Variants in GABRG3 observed in about 807,000 individuals in gnomAD.
GABRG3 encodes gamma-aminobutyric acid receptor subunit gamma-3.
Under a neutral mutation model 48.8 loss-of-function variants are expected in GABRG3, and 25 were observed. The observed-to-expected ratio is 0.51, with a 90% CI of 0.37 to 0.72. The LOEUF is 0.72. Ranked by LOEUF, GABRG3 falls within the 30% of genes least tolerant of loss-of-function variation. GABRG3 has a pLI of 0.00. For missense variants in GABRG3, 394 were observed against 577.9 expected, an observed-to-expected ratio of 0.68 and a Z score of 3.26; for synonymous variants, 227 against 217.6, an observed-to-expected ratio of 1.04 and a Z score of -0.38.
chr15:27,179,262 C>A lies in GABRG3; in HGVS notation c.271-147547C>A, dbSNP rs187297399. Among the ~76,000 whole-genome samples the A allele has an allele frequency of 1.7e-3, 266 of 152,266 alleles. 1 individual carries two copies. Among genetic ancestry groups the A allele is most frequent in the African/African-American group, 6.4e-3 (264 of 41,548 alleles). The stretch of plus-strand genomic sequence containing the variant: ...GTGATTTGCCATTTCAAACATGCCC[C>A]GCGTGGCAATCCACCTTCCCCTCAG... On this transcript the variant is annotated intron_variant, in intron 3 of 9. Coordinates refer to ENST00000615808, the MANE Select transcript of GABRG3 (RefSeq NM_033223.5). This position sits in a 1 kb window ranked among gnomAD's most constrained non-coding sequence, Gnocchi z 4.0.
At chr15:27,235,005 T>C (rs1184128773) in intron 3 of GABRG3, among the ~76,000 whole-genome samples, 1 of 152,134 alleles carries the variant, frequency 6.6e-6, no homozygotes, top group Admixed American at 6.5e-5. Flanking sequence ...TTCTGGCCTG[T>C]TGGCTGAGGG....
At chr15:27,192,089 A>G (rs1566960172) in intron 3 of GABRG3, among the ~76,000 whole-genome samples, 2 of 152,144 alleles carry the variant, frequency 1.3e-5, no homozygotes, top group Non-Finnish European at 2.9e-5. Context: ...TTCTGCCGAG[A>G]GATCCGCTTT....
chr15:27,185,948 T>G (rs1236674154), intron 3 of GABRG3, among the ~76,000 whole-genome samples: 2 of 152,102 alleles, frequency 1.3e-5, no homozygotes, highest in Admixed American at 6.5e-5. Context: ...TGATGTGAAT[T>G]TCTTATAAAC....
At chr15:27,263,655 G>T (rs920957118) in intron 3 of GABRG3, among the ~76,000 whole-genome samples, 2 of 152,094 alleles carry the variant, frequency 1.3e-5, no homozygotes, top group Admixed American at 6.5e-5. Flanking sequence ...CAAAGTTAAT[G>T]GTATTCAGTT....
intron 5 of GABRG3, among the ~76,000 whole-genome samples, chr15:27,437,708 G>A (rs1192549534): frequency 6.6e-6 from 1 of 152,214 alleles, no homozygotes; most frequent in South Asian, 2.1e-4. Context: ...ATCCATTCGT[G>A]TTGCTGTAAG....
Position 27,227,718 on chromosome 15 carries a change from T to A in GABRG3, c.271-99091T>A, listed in dbSNP as rs115394769. Among the ~76,000 whole-genome samples the A allele has an allele frequency of 2.5e-3, 379 of 152,126 alleles. 1 individual carries two copies. The highest frequency in any genetic ancestry group is 8.5e-3 in the African/African-American group (353 of 41,550). ...AAAAAGAAAACAACCATGGCAATTT[T>A]TTTTTATCTACAAAATTTAATTACT... On this transcript the variant is annotated intron_variant, in intron 3 of 9. Transcript: ENST00000615808.
intron 5 of GABRG3, among the ~76,000 whole-genome samples, chr15:27,361,734 T>C (rs559893113): frequency 2.3e-4 from 35 of 152,322 alleles, no homozygotes; most frequent in Admixed American, 2.2e-3. Context: ...TCTGTTCTTA[T>C]AGAAATGTCA....
At position 27,303,754 on chromosome 15, in the gene GABRG3, A is replaced by C. The variant is rs191100834; in HGVS notation, c.271-23055A>C. Among the ~76,000 whole-genome samples, 3 of 149,722 alleles carry C rather than the reference A, an allele frequency of 2.0e-5. No individual in the cohort carries two copies. In the South Asian group the frequency reaches 6.3e-4, roughly 31 times the overall value. On this transcript the variant is annotated intron_variant, in intron 3 of 9. Transcript: ENST00000615808. The stretch of plus-strand genomic sequence containing the variant: ...CCACTATATATATATCCGTGTGTGT[A>C]TATATATATATACACACACATCTAT...
At chr15:27,462,664 T>C (rs1261259073) in intron 5 of GABRG3, among the ~76,000 whole-genome samples, 3 of 152,104 alleles carry the variant, frequency 2.0e-5, no homozygotes, top group Non-Finnish European at 4.4e-5. Flanking sequence ...ATATAGAGGG[T>C]TTTTAAATAA....
intron 3 of GABRG3, among the ~76,000 whole-genome samples, chr15:27,100,706 AG>A (rs1897340652): frequency 6.6e-6 from 1 of 152,210 alleles, no homozygotes; most frequent in Non-Finnish European, 1.5e-5. Context: ...ACCATATTAC[AG>A]GCAAAAGAAA....
At chr15:27,238,743 C>T (rs746006909) in intron 3 of GABRG3, among the ~76,000 whole-genome samples, 17 of 152,144 alleles carry the variant, frequency 1.1e-4, no homozygotes, top group Non-Finnish European at 2.4e-4. Flanking sequence ...TTTTCAGTCA[C>T]TTAAGAGTTT....
chr15:27,011,950 C>T (rs1452557016), intron 2 of GABRG3, among the ~76,000 whole-genome samples: 2 of 151,936 alleles, frequency 1.3e-5, no homozygotes, highest in Non-Finnish European at 2.9e-5. Flanking sequence ...AGACTCTTAA[C>T]ACATTTTCAT....
intron 3 of GABRG3, among the ~76,000 whole-genome samples, chr15:27,301,603 CAT>C (rs967553933): frequency 3.3e-5 from 5 of 151,982 alleles, no homozygotes; most frequent in African/African-American, 9.6e-5. Context: ...CTTAATGTTA[CAT>C]ATATATGTGT....
intron 3 of GABRG3, among the ~76,000 whole-genome samples, chr15:27,145,137 T>C (rs1898174764): frequency 1.1e-5 from 1 of 91,264 alleles, no homozygotes; most frequent in Non-Finnish European, 2.1e-5. Context: ...GAATGAACCA[T>C]ATACAGGGAA....
chr15:27,246,323 A>G (rs1200104363), intron 3 of GABRG3, among the ~76,000 whole-genome samples: 1 of 152,180 alleles, frequency 6.6e-6, no homozygotes, highest in Non-Finnish European at 1.5e-5. Context: ...TATTCTTTAC[A>G]TGGAGGAAAC....
At chr15:27,424,947 T>C (rs904970378) in intron 5 of GABRG3, among the ~76,000 whole-genome samples, 1 of 152,154 alleles carries the variant, frequency 6.6e-6, no homozygotes, top group African/African-American at 2.4e-5. Context: ...CCTAGGGCCA[T>C]GCGATATCAG....
At position 27,038,600 on chromosome 15, in the gene GABRG3, G is replaced by T. The variant is rs376135480; in HGVS notation, c.270+11779G>T. On this transcript the variant is annotated intron_variant, in intron 3 of 9. Transcript: ENST00000615808. ...TAGGGTTGGCAGAGCCTGAAAAGCT[G>T]GGAAAGTGGCACAGACTGTGTCGAT... Among the ~76,000 whole-genome samples, 5 of 152,186 alleles carry T rather than the reference G, an allele frequency of 3.3e-5. No individual in the cohort carries two copies. In the East Asian group the frequency reaches 7.7e-4, roughly 24 times the overall value.
chr15:27,408,311 C>G (rs935506878), intron 5 of GABRG3, among the ~76,000 whole-genome samples: 2 of 152,100 alleles, frequency 1.3e-5, no homozygotes, highest in African/African-American at 2.4e-5. Context: ...TAAGAGCCCC[C>G]AGATGTATTG....
At chr15:27,377,192 C>T (rs1895624422) in intron 5 of GABRG3, among the ~76,000 whole-genome samples, 2 of 152,186 alleles carry the variant, frequency 1.3e-5, no homozygotes, top group African/African-American at 4.8e-5. Context: ...CAGCCTGGAC[C>T]TTATTGTTCA....
Sources: gnomAD v4.1 joint callset for allele counts (sites outside exome capture counted in the v4.1 genomes callset) on GRCh38, gnomAD v4.1.1 for gene constraint, Gnocchi (gnomAD v3.1) non-coding constraint, MANE v1.5 for transcripts, NCBI Gene and HGNC (gene_info 2026-07-23, HGNC 2026-07-21) for gene names.